Variants in UBE3C observed in about 807,000 individuals in gnomAD.
The protein encoded by UBE3C is ubiquitin-protein ligase E3C.
UBE3C carries 42 observed loss-of-function variants against 129.4 expected under a neutral mutation model. The ratio of observed to expected loss-of-function variants is 0.32; its 90% CI spans 0.25 to 0.42. The LOEUF is 0.42. Among genes scored for constraint, UBE3C ranks in the 10% least tolerant of loss-of-function variants. The pLI, the probability that UBE3C is intolerant of heterozygous loss-of-function variation, is 1.00. For missense variants in UBE3C, 1,049 were observed against 1,319.1 expected, an observed-to-expected ratio of 0.80 and a Z score of 3.17; for synonymous variants, 510 against 492.4, an observed-to-expected ratio of 1.04 and a Z score of -0.47.
chr7:157,259,163 T>G (rs1018279584), intron 22 of UBE3C, among the ~76,000 whole-genome samples: 2 of 152,232 alleles, frequency 1.3e-5, no homozygotes, highest in Non-Finnish European at 2.9e-5. Flanking sequence ...ATGAACATTT[T>G]CAGGCCCCAC....
chr7:157,163,554 A>G (rs1400110130), intron 1 of UBE3C, among the ~76,000 whole-genome samples: 1 of 152,078 alleles, frequency 6.6e-6, no homozygotes, highest in East Asian at 1.9e-4. Flanking sequence ...TTTTACCTGT[A>G]CTCATTTGTA....
chr7:157,229,095 A>G (rs1040740397), intron 17 of UBE3C, among the ~76,000 whole-genome samples: 4 of 152,174 alleles, frequency 2.6e-5, no homozygotes, highest in Admixed American at 1.3e-4. Context: ...TCGAATGTAC[A>G]CTACGTGCGG....
intron 22 of UBE3C, among the ~76,000 whole-genome samples, chr7:157,262,240 A>G (rs1584831660): frequency 6.6e-6 from 1 of 152,116 alleles, no homozygotes; most frequent in South Asian, 2.1e-4. Context: ...TCATTCTAAC[A>G]TTTTTATGAG....
chr7:157,194,519 G>T (rs1438237857), intron 10 of UBE3C, among the ~76,000 whole-genome samples: 3 of 152,270 alleles, frequency 2.0e-5, no homozygotes, highest in South Asian at 4.1e-4. Flanking sequence ...AAGTGGCTCT[G>T]GAATTAGGCA....
chr7:157,224,285 C>T (rs1355424032), intron 16 of UBE3C, among the ~76,000 whole-genome samples: 1 of 152,082 alleles, frequency 6.6e-6, no homozygotes, highest in African/African-American at 2.4e-5. Context: ...ACCTCCGCCT[C>T]CCGGATTCAA....
intron 1 of UBE3C, among the ~76,000 whole-genome samples, chr7:157,141,334 C>A (rs900323798): frequency 6.6e-6 from 1 of 152,180 alleles, no homozygotes; most frequent in African/African-American, 2.4e-5. Context: ...ATTCCAGAGG[C>A]TCCCCTGCAC....
chr7:157,243,196 G>T (rs1008672770), intron 18 of UBE3C, among the ~76,000 whole-genome samples: 1 of 152,220 alleles, frequency 6.6e-6, no homozygotes, highest in African/African-American at 2.4e-5. Context: ...TCTGTGCCCT[G>T]CAGGGCTTCC....
chr7:157,243,115 G>A (rs576757802), intron 18 of UBE3C, among the ~76,000 whole-genome samples: 5 of 152,050 alleles, frequency 3.3e-5, no homozygotes, highest in African/African-American at 7.2e-5. Context: ...TGGCTCGATC[G>A]CTGGAAGCCA....
intron 4 of UBE3C, among the ~76,000 whole-genome samples, chr7:157,172,238 T>C (rs1006689811): frequency 6.6e-6 from 1 of 152,006 alleles, no homozygotes; most frequent in African/African-American, 2.4e-5. Flanking sequence ...TTTCACCATG[T>C]TGGCCAGGCT....
chr7:157,205,740 A>C (rs767461728), intron 11 of UBE3C, among the ~76,000 whole-genome samples: 17 of 152,172 alleles, frequency 1.1e-4, no homozygotes, highest in Non-Finnish European at 7.4e-5. Context: ...GAGTATCACA[A>C]CTGCAAACAT....
chr7:157,253,995 C>G lies in UBE3C; in HGVS notation c.2736C>G (p.Thr912=). 6.2e-7 allele frequency: 1 copy of G among 1,605,454 alleles called. No individual in the cohort carries two copies. ...LKFGGKDIPV[T]SANRIAYIHL... is the part of the protein sequence containing the mutation. The stretch of plus-strand genomic sequence containing the variant: ...TCGGTGGGAAAGACATCCCTGTCAC[C>G]AGCGCCAACCGGATTGCGTACATCC... The change falls in exon 20 of 23, where the codon ACC becomes ACG. Residue 912 remains threonine (T), a synonymous_variant. Coordinates refer to ENST00000348165, the MANE Select transcript of UBE3C (RefSeq NM_014671.3).
intron 10 of UBE3C, among the ~76,000 whole-genome samples, chr7:157,199,561 C>T (rs964569873): frequency 2.0e-5 from 3 of 149,978 alleles, no homozygotes; most frequent in Non-Finnish European, 4.5e-5. Context: ...ACCTCAGCCT[C>T]TCAGGTTCAG....
chr7:157,265,717 A>G (rs1205535116), intron 22 of UBE3C, among the ~76,000 whole-genome samples: 1 of 152,160 alleles, frequency 6.6e-6, no homozygotes, highest in African/African-American at 2.4e-5. Context: ...TTTTAAACCT[A>G]AAGGAGGGAG....
At chr7:157,255,135 T>C (rs1796718933) in intron 21 of UBE3C, among the ~76,000 whole-genome samples, 1 of 151,720 alleles carries the variant, frequency 6.6e-6, no homozygotes, top group Non-Finnish European at 1.5e-5. Context: ...TAGATAAATA[T>C]ATACATACAC....
chr7:157,144,288 C>T (rs190275354), intron 1 of UBE3C, among the ~76,000 whole-genome samples: 2 of 152,124 alleles, frequency 1.3e-5, no homozygotes, highest in East Asian at 1.9e-4. Flanking sequence ...ACAGCATGAC[C>T]CCATCTCTTA....
At chr7:157,244,454 A>G (rs1796424856) in intron 18 of UBE3C, among the ~76,000 whole-genome samples, 1 of 152,216 alleles carries the variant, frequency 6.6e-6, no homozygotes, top group South Asian at 2.1e-4. Flanking sequence ...TATGATATGA[A>G]ATAATTAAAA....
chr7:157,248,606 A>G (rs370380478), intron 19 of UBE3C, 26 bp downstream of exon 19: 1 of 1,607,828 alleles, frequency 6.2e-7, no homozygotes, highest in Non-Finnish European at 8.5e-7. Flanking sequence ...GAGGATTCAC[A>G]TACCTGTATA....
chr7:157,264,372 G>A (rs1302144817), intron 22 of UBE3C, among the ~76,000 whole-genome samples: 2 of 115,620 alleles, frequency 1.7e-5, no homozygotes, highest in Non-Finnish European at 3.4e-5. Context: ...CACACACCTG[G>A]TACTACAGGT....
At chr7:157,261,992 G>T (rs1368265900) in intron 22 of UBE3C, among the ~76,000 whole-genome samples, 1 of 152,212 alleles carries the variant, frequency 6.6e-6, no homozygotes, top group East Asian at 1.9e-4. Flanking sequence ...TTCAATTAGC[G>T]TTATGAAAGA....
Sources: gnomAD v4.1 joint callset for allele counts (sites outside exome capture counted in the v4.1 genomes callset) on GRCh38, gnomAD v4.1.1 for gene constraint, MANE v1.5 for transcripts, NCBI Gene and HGNC (gene_info 2026-07-23, HGNC 2026-07-21) for gene names.